The following RAB20 variants were observed in gnomAD, a reference collection of about 807,000 sequenced individuals.
RAB20 encodes ras-related protein Rab-20.
In RAB20, 2 loss-of-function variants were observed where a neutral mutation model predicts 3.7. The observed-to-expected ratio is 0.54, with a 90% CI of 0.22 to 1.69. The LOEUF (loss-of-function observed/expected upper bound fraction) is 1.69, where lower values mean the gene tolerates loss of function less well. Ranked by LOEUF, RAB20 falls within the 40% of genes most tolerant of loss-of-function variation. RAB20 has a pLI of 0.19. For synonymous variants in RAB20, 126 were observed against 130.8 expected (o/e 0.96, Z 0.25); for missense variants, 276 against 311.9 (o/e 0.88, Z 0.87).
intron 1 of RAB20, among the ~76,000 whole-genome samples, chr13:110,531,283 T>A (rs1884536468): frequency 6.6e-6 from 1 of 152,214 alleles, no homozygotes; most frequent in South Asian, 2.1e-4. Flanking sequence ...TGAGGTGGGC[T>A]GCTGGGCAGG....
chr13:110,544,600 G>A (rs951141285), intron 1 of RAB20, among the ~76,000 whole-genome samples: 1 of 152,224 alleles, frequency 6.6e-6, no homozygotes, highest in African/African-American at 2.4e-5. Context: ...CAATGAAGGA[G>A]CCAGACCTAG....
At chr13:110,550,864 T>C (rs567177272) in intron 1 of RAB20, among the ~76,000 whole-genome samples, 2 of 152,152 alleles carry the variant, frequency 1.3e-5, no homozygotes, top group Non-Finnish European at 2.9e-5. Flanking sequence ...TGCAATGATA[T>C]TGAACTCAAA....
rs764728674 is a variant in RAB20 at position 110,561,364 on chromosome 13, G to A, written c.156C>T (p.Ser52=). The change falls in exon 1 of 2, where the codon TCC becomes TCT. Residue 52 remains serine (S), a synonymous_variant. Coordinates refer to ENST00000267328, the MANE Select transcript of RAB20 (RefSeq NM_017817.3). ...YLKQWRSYNI[S]IWDTAGREQF... is the part of the protein sequence containing the mutation. ...CGGCCTCACCTGCGGTGTCCCAGATGGAGATGTTGTAGGAGCGCCACTGCT... is the reference window on the plus strand; with the variant it reads ...CGGCCTCACCTGCGGTGTCCCAGATAGAGATGTTGTAGGAGCGCCACTGCT... 24 of 1,607,008 alleles carry A rather than the reference G, an allele frequency of 1.5e-5. No individual in the cohort carries two copies. Among genetic ancestry groups the A allele is most frequent in the East Asian group, 1.4e-4 (6 of 43,976 alleles).
intron 1 of RAB20, among the ~76,000 whole-genome samples, chr13:110,536,072 C>T (rs760250529): frequency 6.6e-5 from 10 of 152,112 alleles, no homozygotes; most frequent in Admixed American, 2.0e-4. Flanking sequence ...AGAAGACACC[C>T]GGAGACACAG....
At chr13:110,535,583 A>G (rs9652145) in intron 1 of RAB20, among the ~76,000 whole-genome samples, 1 of 152,018 alleles carries the variant, frequency 6.6e-6, no homozygotes, top group Admixed American at 6.6e-5. Context: ...CCTAGATTCC[A>G]CCTCTCCTCC....
At chr13:110,542,597 T>C (rs1884783379) in intron 1 of RAB20, among the ~76,000 whole-genome samples, 1 of 152,220 alleles carries the variant, frequency 6.6e-6, no homozygotes, top group South Asian at 2.1e-4. Flanking sequence ...TCTTTCGGTA[T>C]CTGGTTTATT....
rs141428466 is a variant in RAB20 at position 110,525,916 on chromosome 13, C to T, written c.173-1719G>A. Among the ~76,000 whole-genome samples the T allele has an allele frequency of 2.3e-3, 353 of 152,358 alleles. 1 individual carries two copies. Among genetic ancestry groups the T allele is most frequent in the Non-Finnish European group, 4.1e-3 (281 of 68,036 alleles). ...GGCAGGAAGGGGCTTCACAGACGCT[C>T]CTGGTGATGCATTTGTTTCAATCAC... is the stretch of plus-strand genomic sequence containing the variant. On this transcript the variant is annotated intron_variant, in intron 1 of 1. Transcript: ENST00000267328.
chr13:110,541,231 G>A lies in RAB20; in HGVS notation c.173-17034C>T, dbSNP rs930474526. Among the ~76,000 whole-genome samples the A allele has an allele frequency of 2.6e-5, 4 of 152,154 alleles. No individual in the cohort carries two copies. In the East Asian group the frequency reaches 7.7e-4, roughly 29 times the overall value. ...CACGGCGCAGCAACAGATTCCTCAA[G>A]CAGTGAAAGCTGACCCCCAGGCCTC... On this transcript the variant is annotated intron_variant, in intron 1 of 1. Coordinates refer to ENST00000267328, the MANE Select transcript of RAB20 (RefSeq NM_017817.3).
chr13:110,539,925 G>A (rs1457781646), intron 1 of RAB20, among the ~76,000 whole-genome samples: 3 of 152,124 alleles, frequency 2.0e-5, no homozygotes, highest in East Asian at 3.9e-4. Context: ...ATGATCTGAA[G>A]GATAAACTAA....
intron 1 of RAB20, among the ~76,000 whole-genome samples, chr13:110,529,308 T>C (rs1211695962): frequency 6.6e-6 from 1 of 152,220 alleles, no homozygotes; most frequent in Non-Finnish European, 1.5e-5. Flanking sequence ...CCCATACACA[T>C]GTCAGCCCCT....
At chr13:110,536,249 G>A (rs1357440098) in intron 1 of RAB20, among the ~76,000 whole-genome samples, 4 of 152,108 alleles carry the variant, frequency 2.6e-5, no homozygotes, top group South Asian at 2.1e-4. Context: ...CGGCCCTGCC[G>A]ACGCCAGTTC....
chr13:110,556,332 CTGACT>C (rs1455728110), intron 1 of RAB20, among the ~76,000 whole-genome samples: 2 of 152,268 alleles, frequency 1.3e-5, no homozygotes, highest in East Asian at 1.9e-4. Context: ...CAGACCTGAC[CTGACT>C]GCCTTTTCGG....
intron 1 of RAB20, among the ~76,000 whole-genome samples, chr13:110,531,097 C>A (rs574271683): frequency 6.6e-6 from 1 of 152,174 alleles, no homozygotes; most frequent in Non-Finnish European, 1.5e-5. Flanking sequence ...TTATTATGCT[C>A]GTGCAGGCTT....
chr13:110,529,812 T>C (rs1349646871), intron 1 of RAB20, among the ~76,000 whole-genome samples: 3 of 152,100 alleles, frequency 2.0e-5, no homozygotes, highest in Non-Finnish European at 4.4e-5. Context: ...GACGGGAGGA[T>C]GGGTGAGTGA....
At position 110,523,153 on chromosome 13, in the gene RAB20, T is replaced by C. The variant is rs1047409686; in HGVS notation, c.*512A>G. The C allele has an allele frequency of 7.5e-6, 3 of 399,696 alleles. No individual in the cohort carries two copies. Among genetic ancestry groups the C allele is most frequent in the Non-Finnish European group, 1.3e-5 (3 of 227,456 alleles). The allele number at this position is 399,696 out of a possible 1,614,324, so 24.8% of individuals were successfully genotyped here. A position where few individuals can be genotyped will look rare whatever the true frequency, so the allele number is the denominator to read the frequency against. On this transcript the variant is annotated 3_prime_UTR_variant, in exon 2 of 2. Transcript: ENST00000267328. Reference sequence around the variant, plus strand: ...AAACAAAGTTATTCCTGATTTTGTATAAATGAACACGTCGAGAGTCAGGAT... The same window carrying C: ...AAACAAAGTTATTCCTGATTTTGTACAAATGAACACGTCGAGAGTCAGGAT...
chr13:110,551,639 G>A (rs998795764), intron 1 of RAB20, among the ~76,000 whole-genome samples: 4 of 152,186 alleles, frequency 2.6e-5, no homozygotes, highest in South Asian at 2.1e-4. Context: ...CTCTGTCGTC[G>A]CAGTGATGAA....
At chr13:110,545,890 T>C (rs1884842415) in intron 1 of RAB20, among the ~76,000 whole-genome samples, 1 of 152,118 alleles carries the variant, frequency 6.6e-6, no homozygotes, top group African/African-American at 2.4e-5. Flanking sequence ...TGGGGGAAAA[T>C]GCTGCATTTA....
chr13:110,525,259 A>G (rs917332115), intron 1 of RAB20, among the ~76,000 whole-genome samples: 3 of 152,240 alleles, frequency 2.0e-5, no homozygotes, highest in Non-Finnish European at 2.9e-5. Context: ...AACACCCGCC[A>G]CCGTCCTACA....
chr13:110,561,234 T>G, intron 1 of RAB20, 114 bp downstream of exon 1: 1 of 1,309,906 alleles, frequency 7.6e-7, no homozygotes, highest in Non-Finnish European at 1.0e-6. Flanking sequence ...GAAGGAGGCA[T>G]TTGCTGTCCG....
Sources: gnomAD v4.1 joint callset for allele counts (sites outside exome capture counted in the v4.1 genomes callset) on GRCh38, gnomAD v4.1.1 for gene constraint, MANE v1.5 for transcripts, NCBI Gene and HGNC (gene_info 2026-07-23, HGNC 2026-07-21) for gene names.